Variants in PLAC1 observed in about 807,000 individuals in gnomAD.
PLAC1 encodes the protein placenta associated 1.
For missense variants in PLAC1, 136 were observed against 163.2 expected, an observed-to-expected ratio of 0.83 and a Z score of 0.91; for synonymous variants, 68 against 62.1, an observed-to-expected ratio of 1.09 and a Z score of -0.44.
At chrX:134,710,999 T>G in intron 2 of PLAC1, among the ~76,000 whole-genome samples, 1 of 112,205 alleles carries the variant, frequency 8.9e-6, no homozygotes, top group Non-Finnish European at 1.9e-5. Context: ...CTAATAACTC[T>G]ATATGTTAAC....
intron 1 of PLAC1, among the ~76,000 whole-genome samples, chrX:134,740,193 T>C (rs2078713472): frequency 1.8e-5 from 2 of 109,665 alleles, no homozygotes; most frequent in South Asian, 8.1e-4. Flanking sequence ...GGTGCATGTC[T>C]GTAATCCCAG....
intron 2 of PLAC1, among the ~76,000 whole-genome samples, chrX:134,685,798 T>C (rs993116035): frequency 4.5e-5 from 5 of 111,458 alleles, no homozygotes; most frequent in Middle Eastern, 4.6e-3. Flanking sequence ...TCTTGTCCAG[T>C]ATCTAAGGAG....
chrX:134,638,242 T>C (rs918124194), intron 1 of PLAC1, among the ~76,000 whole-genome samples: 2 of 112,348 alleles, frequency 1.8e-5, no homozygotes, highest in Non-Finnish European at 3.8e-5. Context: ...AATTCATTGT[T>C]ACTTTTACAA....
chrX:134,613,439 C>T (rs1361114372), intron 1 of PLAC1, among the ~76,000 whole-genome samples: 1 of 110,301 alleles, frequency 9.1e-6, no homozygotes, highest in African/African-American at 3.3e-5. Flanking sequence ...CCAAAGCCTC[C>T]CTAGGATGCA....
intron 1 of PLAC1, among the ~76,000 whole-genome samples, chrX:134,759,607 C>A (rs762582077): frequency 8.9e-6 from 1 of 111,989 alleles, no homozygotes; most frequent in South Asian, 3.7e-4. Flanking sequence ...CAAAGGGATA[C>A]CTGCACTCCT....
In PLAC1 at chrX:134,580,079, T is replaced by C. The variant is rs767403092; in HGVS notation, c.-58-13339A>G. Among the ~76,000 whole-genome samples the C allele has an allele frequency of 5.4e-5, 6 of 112,137 alleles. No individual in the cohort carries two copies. In the South Asian group the frequency reaches 2.2e-3, roughly 42 times the overall value. ...GTTCAAGGTAGGCAGGCCACTGGGA[T>C]TTTTGAAACTTGGATATTTTGTCTT... On this transcript the variant is annotated intron_variant, in intron 2 of 2. Coordinates refer to ENST00000359237, the MANE Select transcript of PLAC1 (RefSeq NM_021796.4).
At chrX:134,722,674 G>C (rs926804999) in intron 2 of PLAC1, among the ~76,000 whole-genome samples, 3 of 111,702 alleles carry the variant, frequency 2.7e-5, no homozygotes, top group African/African-American at 6.5e-5. Context: ...GCATTCTATG[G>C]TATATGAATT....
intron 1 of PLAC1, among the ~76,000 whole-genome samples, chrX:134,644,022 C>T (rs1281192778): frequency 9.1e-6 from 1 of 110,216 alleles, no homozygotes; most frequent in Non-Finnish European, 1.9e-5. Context: ...TTCATAATAA[C>T]GTTTCACACA....
In PLAC1 at chrX:134,643,491, A is replaced by C. The variant is rs1180592567; in HGVS notation, c.-131+14837T>G. Among the ~76,000 whole-genome samples the C allele has an allele frequency of 1.8e-5, 2 of 111,983 alleles. 1 individual carries two copies. Among genetic ancestry groups the C allele is most frequent in the African/African-American group, 6.5e-5 (2 of 30,808 alleles). ...AACTCTATACAAAACCCCTAAATAA[A>C]TTATTACCAAATCAAATCTCGCACT... On this transcript the variant is annotated intron_variant, in intron 1 of 2. Coordinates refer to ENST00000359237, the MANE Select transcript of PLAC1 (RefSeq NM_021796.4).
chrX:134,581,616 T>C (rs2077975437), intron 2 of PLAC1, among the ~76,000 whole-genome samples: 1 of 107,392 alleles, frequency 9.3e-6, no homozygotes, highest in East Asian at 3.0e-4. Flanking sequence ...GTAGCTGGGA[T>C]TACAGGCACC....
At chrX:134,750,096 G>A (rs73568724) in intron 1 of PLAC1, among the ~76,000 whole-genome samples, 15,336 of 111,521 alleles carry the variant, frequency 0.14, 2,590 homozygotes, top group African/African-American at 0.47. Context: ...TTTATCAGAA[G>A]ATGTTTAAGA....
chrX:134,576,147 T>C (rs942555202), intron 2 of PLAC1, among the ~76,000 whole-genome samples: 37 of 108,709 alleles, frequency 3.4e-4, no homozygotes, highest in African/African-American at 1.1e-3. Flanking sequence ...TATATCTATG[T>C]ATCTAATATT....
intron 2 of PLAC1, among the ~76,000 whole-genome samples, chrX:134,685,449 C>CTTTTTTTTTTTTTTT (rs200498313): frequency 2.0e-5 from 1 of 49,162 alleles, no homozygotes; most frequent in Non-Finnish European, 3.6e-5. Context: ...AATGGCGTCC[C>CTTTTTTTTTTTTTTT]TTTTTTTTTT....
intron 2 of PLAC1, among the ~76,000 whole-genome samples, chrX:134,579,399 C>T (rs2077962735): frequency 8.9e-6 from 1 of 111,931 alleles, no homozygotes; most frequent in Admixed American, 9.5e-5. Context: ...TAAATTTAAT[C>T]ACCATGAAAG....
intron 2 of PLAC1, among the ~76,000 whole-genome samples, chrX:134,705,802 C>T (rs959167614): frequency 3.6e-5 from 4 of 111,557 alleles, no homozygotes; most frequent in Non-Finnish European, 7.5e-5. Context: ...AATTTTTGAA[C>T]GTCATAAAAG....
intron 2 of PLAC1, among the ~76,000 whole-genome samples, chrX:134,728,451 T>C (rs763955334): frequency 1.8e-5 from 2 of 112,143 alleles, no homozygotes; most frequent in East Asian, 5.6e-4. Context: ...TGATTTCTCA[T>C]CAGAAACCAT....
intron 1 of PLAC1, among the ~76,000 whole-genome samples, chrX:134,751,524 C>G (rs1408820952): frequency 1.3e-4 from 15 of 111,774 alleles, no homozygotes. Flanking sequence ...CCGACCTTCT[C>G]GACAGAAATA....
At chrX:134,585,736 G>A (rs1419472792) in intron 2 of PLAC1, among the ~76,000 whole-genome samples, 1 of 110,697 alleles carries the variant, frequency 9.0e-6, no homozygotes, top group Non-Finnish European at 1.9e-5. Flanking sequence ...CTATTTCTAT[G>A]GGGGGTAGAA....
chrX:134,690,725 G>A (rs770990091), intron 2 of PLAC1, among the ~76,000 whole-genome samples: 4 of 106,741 alleles, frequency 3.7e-5, no homozygotes, highest in South Asian at 8.5e-4. Context: ...GAGGTCAGGA[G>A]ATCCGAAACC....
Sources: gnomAD v4.1 joint callset for allele counts (sites outside exome capture counted in the v4.1 genomes callset) on GRCh38, gnomAD v4.1.1 for gene constraint, MANE v1.5 for transcripts, NCBI Gene and HGNC (gene_info 2026-07-23, HGNC 2026-07-21) for gene names.